KHDRBS2: variants seen among roughly 807,000 people sequenced by gnomAD.
KHDRBS2 encodes KH RNA binding domain containing, signal transduction associated 2.
A neutral mutation model predicts 44.3 loss-of-function variants in KHDRBS2; 26 were observed. That is an observed-to-expected ratio of 0.59 (90% CI 0.43 to 0.81). The LOEUF is 0.81. Ranked by LOEUF, KHDRBS2 falls within the 40% of genes least tolerant of loss-of-function variation. KHDRBS2 has a pLI of 0.00. For synonymous variants in KHDRBS2, 194 were observed against 151.1 expected, an observed-to-expected ratio of 1.28 and a Z score of -2.08; for missense variants, 476 against 433.1, an observed-to-expected ratio of 1.10 and a Z score of -0.88.
At chr6:62,259,277 A>G (rs114788745) in intron 1 of KHDRBS2, among the ~76,000 whole-genome samples, 139 of 152,158 alleles carry the variant, frequency 9.1e-4, no homozygotes, top group African/African-American at 3.1e-3. Flanking sequence ...TATTTATGTC[A>G]GGATCATATT....
At chr6:61,672,307 C>G in the KHDRBS2 span, among the ~76,000 whole-genome samples, 1 of 152,016 alleles carries the variant, frequency 6.6e-6, no homozygotes, top group East Asian at 1.9e-4. Flanking sequence ...AATAAACATA[C>G]GTGTGCATGT....
Position 61,890,475 on chromosome 6 carries a change from C to T in KHDRBS2, c.810+4160G>A, listed in dbSNP as rs531872348. ...CACACGAGAGGCTACAATTGTTTTG[C>T]CAGTCTTCTCTTTCACAGTCCCAAA... On this transcript the variant is annotated intron_variant, in intron 6 of 8. Transcript: ENST00000281156. Among the ~76,000 whole-genome samples, 7 of 152,250 alleles carry T rather than the reference C, an allele frequency of 4.6e-5. No homozygotes were observed. The East Asian group carries it at 1.4e-3, about 29-fold the overall frequency.
chr6:62,107,555 G>C (rs1349042639), intron 2 of KHDRBS2, among the ~76,000 whole-genome samples: 1 of 152,092 alleles, frequency 6.6e-6, no homozygotes, highest in East Asian at 1.9e-4. Context: ...TCCCCATCAA[G>C]CTACCAATGA....
At chr6:61,709,058 G>T (rs1322341052) in intron 7 of KHDRBS2, among the ~76,000 whole-genome samples, 2 of 151,664 alleles carry the variant, frequency 1.3e-5, no homozygotes, top group African/African-American at 2.4e-5. Context: ...AAGTATCAAT[G>T]AGATAACCTG....
At chr6:62,073,816 C>T (rs1406687682) in intron 2 of KHDRBS2, among the ~76,000 whole-genome samples, 5 of 151,676 alleles carry the variant, frequency 3.3e-5, no homozygotes, top group Admixed American at 1.3e-4. Context: ...TCACCAAGAT[C>T]GACATTAGTT....
intron 6 of KHDRBS2, among the ~76,000 whole-genome samples, chr6:61,871,748 C>G (rs769510135): frequency 6.6e-6 from 1 of 152,120 alleles, no homozygotes; most frequent in Non-Finnish European, 1.5e-5. Flanking sequence ...TCATATCCAG[C>G]CAAACTAAGC....
Position 62,108,313 on chromosome 6 carries a change from A to C in KHDRBS2, c.220-60319T>G, listed in dbSNP as rs1360423142. 2.0e-5 allele frequency among the ~76,000 whole-genome samples: 3 copies of C among 152,250 alleles called. 1 individual carries two copies. The highest frequency in any genetic ancestry group is 2.0e-4 in the Admixed American group (3 of 15,286). Reference sequence around the variant, plus strand: ...ATGAACAGACACTTCTCAAAAGAAGACATTTATGCAGCCAAAAAAACACAT... The same window carrying C: ...ATGAACAGACACTTCTCAAAAGAAGCCATTTATGCAGCCAAAAAAACACAT... On this transcript the variant is annotated intron_variant, in intron 2 of 8. Coordinates refer to ENST00000281156, the MANE Select transcript of KHDRBS2 (RefSeq NM_152688.4).
the KHDRBS2 span, among the ~76,000 whole-genome samples, chr6:61,592,810 A>G: frequency 1.3e-5 from 2 of 152,284 alleles, no homozygotes; most frequent in Non-Finnish European, 2.9e-5. Flanking sequence ...AAACAAAAGC[A>G]TGGATTAGGA....
At chr6:61,778,092 G>A (rs1371497064) in intron 6 of KHDRBS2, among the ~76,000 whole-genome samples, 2 of 152,168 alleles carry the variant, frequency 1.3e-5, no homozygotes, top group East Asian at 1.9e-4. Flanking sequence ...CCTAGCCAGA[G>A]CAATCAGGCA....
intron 6 of KHDRBS2, among the ~76,000 whole-genome samples, chr6:61,774,406 C>T (rs2127578348): frequency 6.6e-6 from 1 of 152,066 alleles, no homozygotes; most frequent in East Asian, 1.9e-4. Flanking sequence ...TGCATTGTCT[C>T]AGCCCATAAT....
At chr6:61,979,205 C>T (rs1359915270) in intron 3 of KHDRBS2, among the ~76,000 whole-genome samples, 1 of 152,040 alleles carries the variant, frequency 6.6e-6, no homozygotes, top group Non-Finnish European at 1.5e-5. Context: ...CAATTCAGAT[C>T]CAGACCCAGT....
Position 62,061,122 on chromosome 6 carries a change from T to C in KHDRBS2, c.220-13128A>G, listed in dbSNP as rs1386493504. ...AGCACACTGATGGGTCTTGACTCTT[T>C]ATCCAATTTGCCAGTCTGTGTCTTT... On this transcript the variant is annotated intron_variant, in intron 2 of 8. Transcript: ENST00000281156. 4.6e-5 allele frequency among the ~76,000 whole-genome samples: 7 copies of C among 152,074 alleles called. No homozygotes were observed. The East Asian group carries it at 1.4e-3, about 30-fold the overall frequency.
intron 2 of KHDRBS2, among the ~76,000 whole-genome samples, chr6:62,061,378 A>G (rs368031791): frequency 2.2e-4 from 33 of 151,650 alleles, no homozygotes; most frequent in African/African-American, 8.0e-4. Context: ...GGTGGTGACA[A>G]AATCTCTCAG....
chr6:62,238,290 T>C (rs1389349037), intron 1 of KHDRBS2, among the ~76,000 whole-genome samples: 1 of 152,130 alleles, frequency 6.6e-6, no homozygotes, highest in Non-Finnish European at 1.5e-5. Flanking sequence ...ACAAGAAGCC[T>C]GGGAAGGAGA....
chr6:61,922,028 C>T (rs1311691815), intron 4 of KHDRBS2, among the ~76,000 whole-genome samples: 2 of 151,854 alleles, frequency 1.3e-5, no homozygotes, highest in Non-Finnish European at 2.9e-5. Context: ...AAAATTATAT[C>T]TCATAGTAAA....
intron 2 of KHDRBS2, among the ~76,000 whole-genome samples, chr6:62,137,382 G>A (rs924553055): frequency 1.3e-5 from 2 of 152,114 alleles, no homozygotes; most frequent in Non-Finnish European, 2.9e-5. Context: ...AAATAGACAT[G>A]CCAGACATCT....
At chr6:61,965,236 C>T (rs1378709609) in intron 4 of KHDRBS2, among the ~76,000 whole-genome samples, 1 of 152,022 alleles carries the variant, frequency 6.6e-6, no homozygotes, top group African/African-American at 2.4e-5. Context: ...AACATCTGCT[C>T]CCCCTACTTA....
intron 6 of KHDRBS2, among the ~76,000 whole-genome samples, chr6:61,875,243 G>T (rs1345761649): frequency 6.6e-6 from 1 of 151,778 alleles, no homozygotes; most frequent in Non-Finnish European, 1.5e-5. Flanking sequence ...AGAATTCCAT[G>T]CAGAGTAAAA....
At chr6:62,157,372 T>C (rs1463184298) in intron 2 of KHDRBS2, among the ~76,000 whole-genome samples, 1 of 152,098 alleles carries the variant, frequency 6.6e-6, no homozygotes, top group Non-Finnish European at 1.5e-5. Context: ...ATTTAATGCA[T>C]GTTTGTGAAG....
Sources: allele counts gnomAD v4.1 joint callset (sites outside exome capture counted in the v4.1 genomes callset), GRCh38; gene constraint gnomAD v4.1.1; transcripts MANE v1.5; gene names NCBI Gene and HGNC (gene_info 2026-07-23, HGNC 2026-07-21).